The following CPQ variants were observed in gnomAD, a reference collection of about 807,000 sequenced individuals.
The protein encoded by CPQ is Ser-Met dipeptidase.
Under a neutral mutation model 45.7 loss-of-function variants are expected in CPQ, and 37 were observed. The ratio of observed to expected loss-of-function variants is 0.81; its 90% CI spans 0.62 to 1.07. CPQ has a LOEUF of 1.07. CPQ is among the 50% of genes least tolerant of loss of function. The pLI, the probability that CPQ is intolerant of heterozygous loss-of-function variation, is 0.00. For missense variants in CPQ, 537 were observed against 572.9 expected (o/e 0.94, Z 0.64); for synonymous variants, 186 against 205.8 (o/e 0.90, Z 0.82).
chr8:96,709,660 C>G (rs1243603901), intron 1 of CPQ, among the ~76,000 whole-genome samples: 2 of 152,000 alleles, frequency 1.3e-5, no homozygotes, highest in Non-Finnish European at 2.9e-5. Context: ...CTCATTTATT[C>G]TGAGTACACA....
chr8:96,818,987 C>T (rs986819532), intron 2 of CPQ, among the ~76,000 whole-genome samples: 8 of 152,130 alleles, frequency 5.3e-5, no homozygotes, highest in Admixed American at 1.3e-4. Context: ...CAGGCCTGGC[C>T]ATCTCCATCA....
chr8:96,646,014 A>G (rs1035005319), intron 1 of CPQ, among the ~76,000 whole-genome samples: 26 of 148,586 alleles, frequency 1.7e-4, no homozygotes, highest in African/African-American at 6.0e-4. Flanking sequence ...TGAGTAAGTG[A>G]ATAAATGAGT....
At chr8:96,729,583 A>C (rs1237400494) in intron 1 of CPQ, among the ~76,000 whole-genome samples, 1 of 152,178 alleles carries the variant, frequency 6.6e-6, no homozygotes, top group Non-Finnish European at 1.5e-5. Flanking sequence ...CATCATCTGG[A>C]TTTAACAATT....
At chr8:96,678,024 G>A (rs572107930) in intron 1 of CPQ, among the ~76,000 whole-genome samples, 59 of 151,956 alleles carry the variant, frequency 3.9e-4, no homozygotes, top group South Asian at 1.9e-3. Context: ...CTGTTCCGTC[G>A]GTCTACATGC....
intron 7 of CPQ, among the ~76,000 whole-genome samples, chr8:97,125,488 T>C (rs755150667): frequency 3.3e-5 from 5 of 152,274 alleles, no homozygotes; most frequent in East Asian, 3.9e-4. Flanking sequence ...CTTAACAAAA[T>C]ATAAGCAAAT....
At chr8:96,688,856 A>G (rs1323865529) in intron 1 of CPQ, among the ~76,000 whole-genome samples, 1 of 152,144 alleles carries the variant, frequency 6.6e-6, no homozygotes, top group Non-Finnish European at 1.5e-5. Flanking sequence ...CCTTAATAAT[A>G]ATGTTAATAA....
At chr8:96,945,272 G>A (rs989799838) in intron 4 of CPQ, among the ~76,000 whole-genome samples, 7 of 152,188 alleles carry the variant, frequency 4.6e-5, no homozygotes, top group Non-Finnish European at 1.5e-5. Flanking sequence ...GGAGATCCAT[G>A]AGGATGTTGG....
chr8:96,777,356 AGAG>A (rs144862915), intron 1 of CPQ, among the ~76,000 whole-genome samples: 4,339 of 152,090 alleles, frequency 0.029, 79 homozygotes, highest in Non-Finnish European at 0.044. Flanking sequence ...AAAATGCCCT[AGAG>A]TGCTGCAACA....
At chr8:96,766,567 G>A (rs989461266) in intron 1 of CPQ, among the ~76,000 whole-genome samples, 1 of 152,148 alleles carries the variant, frequency 6.6e-6, no homozygotes, top group African/African-American at 2.4e-5. Flanking sequence ...GTCAGGGGCA[G>A]GCAGCAGCCA....
At chr8:96,695,863 C>T (rs1341622693) in intron 1 of CPQ, among the ~76,000 whole-genome samples, 2 of 150,446 alleles carry the variant, frequency 1.3e-5, no homozygotes, top group African/African-American at 5.0e-5. Flanking sequence ...CTAGTTCAAC[C>T]ATTGTGGAAG....
At chr8:96,895,723 A>C (rs1179942067) in intron 4 of CPQ, among the ~76,000 whole-genome samples, 1 of 152,158 alleles carries the variant, frequency 6.6e-6, no homozygotes, top group Non-Finnish European at 1.5e-5. Context: ...CATGTGCCCA[A>C]GTGTGCTGTC....
chr8:97,069,103 C>G (rs1810691133), intron 7 of CPQ, among the ~76,000 whole-genome samples: 1 of 152,148 alleles, frequency 6.6e-6, no homozygotes, highest in South Asian at 2.1e-4. Flanking sequence ...TGTTCTACTC[C>G]CTTCTTTAAC....
chr8:97,089,687 T>A (rs1231390796), intron 7 of CPQ, among the ~76,000 whole-genome samples: 2 of 152,186 alleles, frequency 1.3e-5, no homozygotes, highest in Non-Finnish European at 2.9e-5. Context: ...CATCTGTCAT[T>A]TTTTCCTTTT....
intron 1 of CPQ, among the ~76,000 whole-genome samples, chr8:96,747,901 G>T (rs894953387): frequency 1.3e-5 from 2 of 152,186 alleles, no homozygotes; most frequent in African/African-American, 4.8e-5. Context: ...ACCTCTGGAT[G>T]ATGTAGATTC....
intron 1 of CPQ, among the ~76,000 whole-genome samples, chr8:96,749,689 G>T (rs1030187083): frequency 7.2e-5 from 11 of 152,174 alleles, no homozygotes; most frequent in African/African-American, 2.7e-4. Context: ...CAGTAGTCAA[G>T]AAAGTGTTTA....
At chr8:96,878,517 G>T (rs1812178138) in intron 3 of CPQ, among the ~76,000 whole-genome samples, 1 of 152,076 alleles carries the variant, frequency 6.6e-6, no homozygotes, top group Admixed American at 6.6e-5. Context: ...CAAAGATGTG[G>T]GTAACTTGCC....
chr8:97,032,346 G>A (rs1809922349), intron 6 of CPQ, among the ~76,000 whole-genome samples: 1 of 152,118 alleles, frequency 6.6e-6, no homozygotes, highest in Non-Finnish European at 1.5e-5. Flanking sequence ...ACATCCAGCT[G>A]GCAGGCAGGG....
At chr8:96,714,063 T>C (rs948780030) in intron 1 of CPQ, among the ~76,000 whole-genome samples, 1 of 152,190 alleles carries the variant, frequency 6.6e-6, no homozygotes, top group Non-Finnish European at 1.5e-5. Context: ...CTCACTGCTC[T>C]TAGAATTCTT....
intron 7 of CPQ, among the ~76,000 whole-genome samples, chr8:97,107,495 A>T (rs1325533320): frequency 1.3e-5 from 2 of 152,262 alleles, no homozygotes; most frequent in Non-Finnish European, 2.9e-5. Flanking sequence ...TCTTGAGTCC[A>T]GGAGTGTGTA....
Sources: gnomAD v4.1 joint callset for allele counts (sites outside exome capture counted in the v4.1 genomes callset) on GRCh38, gnomAD v4.1.1 for gene constraint, MANE v1.5 for transcripts, NCBI Gene and HGNC (gene_info 2026-07-23, HGNC 2026-07-21) for gene names.